The following HDAC7 variants were observed in gnomAD, a reference collection of about 807,000 sequenced individuals.
HDAC7 encodes histone deacetylase 7, also known as histone deacetylase 7A.
HDAC7 carries 26 observed loss-of-function variants against 115.5 expected under a neutral mutation model. The observed-to-expected ratio is 0.23, with a 90% CI of 0.16 to 0.31. The LOEUF is 0.31. HDAC7 is among the 10% of genes least tolerant of loss of function. The probability of loss-of-function intolerance (pLI) is 1.00; values close to 1 mark genes in which losing one functional copy is unlikely to be tolerated. For missense variants in HDAC7, 1,068 were observed against 1,329.0 expected, an observed-to-expected ratio of 0.80 and a Z score of 3.05; for synonymous variants, 564 against 550.9, an observed-to-expected ratio of 1.02 and a Z score of -0.33.
chr12:47,807,603 A>G (rs1944458215), intron 1 of HDAC7, among the ~76,000 whole-genome samples: 1 of 152,002 alleles, frequency 6.6e-6, no homozygotes, highest in Non-Finnish European at 1.5e-5. Context: ...CCAGCAAAGG[A>G]CACATGCAGG....
chr12:47,814,520 T>G (rs1345974919), intron 1 of HDAC7, among the ~76,000 whole-genome samples: 2 of 152,186 alleles, frequency 1.3e-5, no homozygotes, highest in Non-Finnish European at 2.9e-5. Flanking sequence ...ACATTCAGTA[T>G]GGCCACAGGG....
chr12:47,789,700 C>G, intron 17 of HDAC7, 113 bp downstream of exon 17: 1 of 1,384,748 alleles, frequency 7.2e-7, no homozygotes, highest in Non-Finnish European at 1.0e-6. Context: ...CTCCAAAACC[C>G]TGTAGCAATC....
intron 24 of HDAC7, chr12:47,784,640 C>A: frequency 1.5e-6 from 2 of 1,359,654 alleles, no homozygotes; most frequent in Non-Finnish European, 1.0e-6. Flanking sequence ...CTCAGCCCAG[C>A]ACTCAGGAAA....
chr12:47,791,856 C>A lies in HDAC7; in HGVS notation c.1812+15G>T. On this transcript the variant is annotated intron_variant, in intron 14 of 25. Coordinates refer to ENST00000080059, the MANE Select transcript of HDAC7 (RefSeq NM_015401.5). Reference sequence around the variant, plus strand: ...CCCTCCACCCATTCCTCGGGCCCCACCCGCGCCTCCTCACCTCACACTGGC... The same window carrying A: ...CCCTCCACCCATTCCTCGGGCCCCAACCGCGCCTCCTCACCTCACACTGGC... 1 of 1,610,080 alleles carries A rather than the reference C, an allele frequency of 6.2e-7. No homozygotes were observed. Among genetic ancestry groups the A allele is most frequent in the Non-Finnish European group, 8.5e-7 (1 of 1,179,060 alleles).
intron 19 of HDAC7, 21 bp from the exon 20 acceptor site, chr12:47,788,185 C>A (rs769979455): frequency 4.4e-6 from 7 of 1,582,860 alleles, no homozygotes; most frequent in Non-Finnish European, 6.0e-6. Context: ...AGACGGGCAG[C>A]GATTAGGGAA....
At chr12:47,801,787 C>T (rs1428000619) in intron 2 of HDAC7, among the ~76,000 whole-genome samples, 5 of 152,140 alleles carry the variant, frequency 3.3e-5, no homozygotes, top group Admixed American at 6.5e-5. Flanking sequence ...AGGGAGGAGG[C>T]GCAGACAGTG....
chr12:47,787,135 A>T (rs541967132), intron 21 of HDAC7, among the ~76,000 whole-genome samples: 109 of 152,110 alleles, frequency 7.2e-4, no homozygotes, highest in Non-Finnish European at 1.2e-3. Flanking sequence ...GACTGAGTTG[A>T]CCACACCCAG....
At chr12:47,812,282 G>A (rs1944702193) in intron 1 of HDAC7, among the ~76,000 whole-genome samples, 1 of 152,218 alleles carries the variant, frequency 6.6e-6, no homozygotes, top group Admixed American at 6.5e-5. Context: ...AGGCCGCGAT[G>A]GGTGGAGGAA....
Position 47,788,179 on chromosome 12 carries a change from G to C in HDAC7, c.2236-15C>G. The C allele has an allele frequency of 6.3e-7, 1 of 1,591,330 alleles. No homozygotes were observed. The highest frequency in any genetic ancestry group is 8.6e-7 in the Non-Finnish European group (1 of 1,167,976). ...TGGTGCACGTCCTGTGTAGGGAGAC[G>C]GGCAGCGATTAGGGAAGGCAGAGAG... is the stretch of plus-strand genomic sequence containing the variant. On this transcript the variant is annotated splice_polypyrimidine_tract_variant and intron_variant, in intron 19 of 25. Transcript: ENST00000080059.
At chr12:47,791,136 G>T in intron 16 of HDAC7, 123 bp downstream of exon 16, 1 of 965,302 alleles carries the variant, frequency 1.0e-6, no homozygotes, top group Non-Finnish European at 1.6e-6. Flanking sequence ...GAAGTCCCTG[G>T]CTCACCCTGT....
intron 8 of HDAC7, 72 bp downstream of exon 8, chr12:47,796,135 T>G (rs1592658627): frequency 1.3e-6 from 2 of 1,528,748 alleles, no homozygotes; most frequent in Non-Finnish European, 1.8e-6. Context: ...CCAGCCCAGG[T>G]AGGGCCGCCT....
chr12:47,797,595 G>A lies in HDAC7; in HGVS notation c.462-96C>T, dbSNP rs1000142546. The A allele has an allele frequency of 1.1e-6, 1 of 898,290 alleles. No homozygotes were observed. The highest frequency in any genetic ancestry group is 1.7e-5 in the African/African-American group (1 of 59,828). The allele number at this position is 898,290 out of a possible 1,614,324, so 55.6% of individuals were successfully genotyped here. A position where few individuals can be genotyped will look rare whatever the true frequency, so the allele number is the denominator to read the frequency against. On this transcript the variant is annotated intron_variant, in intron 5 of 25. Coordinates refer to ENST00000080059, the MANE Select transcript of HDAC7 (RefSeq NM_015401.5). This position sits in a 1 kb window ranked among gnomAD's most constrained non-coding sequence, Gnocchi z 5.5. ...CCTGGGACCTGAGGGGGAGGCTGCA[G>A]CGGGCAGGGCTGGGCAATGTGGGGC...
chr12:47,819,841 G>T lies in HDAC7; in HGVS notation c.-56C>A, dbSNP rs943182948. ...TCATGGCGGGGCGGGGGGCTGGGGC[G>T]CCGGCCTCACATCCCCCCAGTCGCC... On this transcript the variant is annotated 5_prime_UTR_variant, in exon 1 of 26. Transcript: ENST00000080059. The T allele has an allele frequency of 4.8e-4, 77 of 161,772 alleles. No individual in the cohort carries two copies. In the East Asian group the frequency reaches 6.8e-3, roughly 14 times the overall value. The allele number at this position is 161,772 out of a possible 1,614,324, so 10.0% of individuals were successfully genotyped here.
intron 16 of HDAC7, chr12:47,790,967 A>G (rs1258417898): frequency 3.9e-6 from 2 of 518,642 alleles, no homozygotes; most frequent in Admixed American, 3.6e-5. Flanking sequence ...GGGAGAGATG[A>G]TCCTAAGCCC....
rs1039874364 is a variant in HDAC7, at chr12:47,793,166, G to A, written c.1678+203C>T. 20 of 520,928 alleles carry A rather than the reference G, an allele frequency of 3.8e-5. No homozygotes were observed. The highest frequency in any genetic ancestry group is 3.3e-4 in the Admixed American group (9 of 27,304). 32.3% of individuals were successfully genotyped at this position (520,928 alleles called of 1,614,324 possible). On this transcript the variant is annotated intron_variant, in intron 13 of 25. Transcript: ENST00000080059. This position sits in a 1 kb window ranked among gnomAD's most constrained non-coding sequence, Gnocchi z 4.5. Reference sequence around the variant, plus strand: ...CCACTTGCTATTTGACCACAGGCTTGTCACCTTAGATTTCGTGAGCCTTGG... The same window carrying A: ...CCACTTGCTATTTGACCACAGGCTTATCACCTTAGATTTCGTGAGCCTTGG...
intron 1 of HDAC7, among the ~76,000 whole-genome samples, chr12:47,805,667 G>A (rs1300139171): frequency 6.6e-6 from 1 of 152,208 alleles, no homozygotes; most frequent in Non-Finnish European, 1.5e-5. Context: ...CACAGAGTGG[G>A]GGCTGAGCAC....
At chr12:47,812,540 A>T (rs746066494) in intron 1 of HDAC7, among the ~76,000 whole-genome samples, 4 of 152,222 alleles carry the variant, frequency 2.6e-5, no homozygotes, top group Non-Finnish European at 4.4e-5. Flanking sequence ...CACATTACAG[A>T]TGAAGAAGTG....
chr12:47,814,554 A>G (rs1028360235), intron 1 of HDAC7, among the ~76,000 whole-genome samples: 1 of 152,214 alleles, frequency 6.6e-6, no homozygotes, highest in African/African-American at 2.4e-5. Context: ...CCCATGGAAG[A>G]AAAAGGGTGC....
chr12:47,808,837 C>G (rs1384439368), intron 1 of HDAC7, among the ~76,000 whole-genome samples: 1 of 152,198 alleles, frequency 6.6e-6, no homozygotes, highest in African/African-American at 2.4e-5. Flanking sequence ...CCACACTACC[C>G]TAAGATTTCT....
Sources: gnomAD v4.1 joint callset for allele counts (sites outside exome capture counted in the v4.1 genomes callset) on GRCh38, gnomAD v4.1.1 for gene constraint, Gnocchi (gnomAD v3.1) non-coding constraint, MANE v1.5 for transcripts, NCBI Gene and HGNC (gene_info 2026-07-23, HGNC 2026-07-21) for gene names.